The following NBL1 variants were observed in gnomAD, a reference collection of about 807,000 sequenced individuals.
NBL1 encodes the protein NBL1, DAN family BMP antagonist.
NBL1 carries 9 observed loss-of-function variants against 16.0 expected under a neutral mutation model. That is an observed-to-expected ratio of 0.56 (90% CI 0.34 to 0.98). The LOEUF is 0.98. NBL1 is among the 50% of genes least tolerant of loss of function. The pLI is 0.02. For missense variants in NBL1, 196 were observed against 243.1 expected, an observed-to-expected ratio of 0.81 and a Z score of 1.29; for synonymous variants, 86 against 100.7, an observed-to-expected ratio of 0.85 and a Z score of 0.87.
chr1:19,655,424 A>G lies in NBL1; in HGVS notation c.271A>G (p.Met91Val). 1 of 1,614,000 alleles carries G rather than the reference A, an allele frequency of 6.2e-7. No individual in the cohort carries two copies. The highest frequency in any genetic ancestry group is 1.7e-4 in the Middle Eastern group (1 of 6,060). The change falls in exon 3 of 4, where the codon ATG (methionine) becomes GTG (valine). Residue 91 changes from methionine to valine, a missense_variant. Met to Val is a conservative substitution (Grantham distance 21). Transcript: ENST00000375136. ...TGACTCCTGCATGCCAGCCCAGTCC[A>G]TGTGGGAGATTGTGAGTACTGCCTG... ...HCDSCMPAQS[M>V]WEIVTLECPG...
At chr1:19,643,250 A>C (rs2094959155), upstream of NBL1, 4 of 1,517,154 alleles carry the variant, frequency 2.6e-6, no homozygotes, top group Non-Finnish European at 3.6e-6. The surrounding 1 kb of genome is among the most constrained non-coding windows in gnomAD (Gnocchi z 4.7). Flanking sequence ...CTGGGTGTGG[A>C]GGGTGCGAGT....
At chr1:19,653,012 G>A (rs571982024) in intron 1 of NBL1, among the ~76,000 whole-genome samples, 2 of 150,392 alleles carry the variant, frequency 1.3e-5, no homozygotes, top group South Asian at 4.2e-4. Flanking sequence ...GTAAGGCCGG[G>A]CGCAGTGGCT....
chr1:19,656,394 C>T lies in NBL1; in HGVS notation c.283-472C>T, dbSNP rs928227196. Among the ~76,000 whole-genome samples the T allele has an allele frequency of 4.3e-4, 19 of 44,088 alleles. No homozygotes were observed. In the South Asian group the frequency reaches 5.3e-3, roughly 12 times the overall value. The allele number at this position is 44,088 out of a possible 152,430, so 28.9% of individuals were successfully genotyped here. ...GCAGTTTAGGGCATGTGGTAGTCGG[C>T]GGGGATAGGGGGGTGGGTGGGGGGA... On this transcript the variant is annotated intron_variant, in intron 3 of 3. Coordinates refer to ENST00000375136, the MANE Select transcript of NBL1 (RefSeq NM_005380.8).
chr1:19,644,589 C>T lies in NBL1; in HGVS notation c.-20+143C>T. ...ACCGGGTGGAGGCGCCGCCGCCGAG[C>T]TCAGGAGCCCTGGGGGACCTGGCGG... is the stretch of plus-strand genomic sequence containing the variant. On this transcript the variant is annotated intron_variant, in intron 1 of 3. Transcript: ENST00000375136. The surrounding 1 kb of genome is among the most constrained non-coding windows in gnomAD (Gnocchi z 4.6). The T allele has an allele frequency of 2.7e-6, 1 of 370,358 alleles. No individual in the cohort carries two copies. The highest frequency in any genetic ancestry group is 2.2e-5 in the African/African-American group (1 of 44,660). The allele number at this position is 370,358 out of a possible 1,614,324, so 22.9% of individuals were successfully genotyped here.
intron 1 of NBL1, among the ~76,000 whole-genome samples, chr1:19,651,270 G>A (rs1372007612): frequency 6.6e-6 from 1 of 152,148 alleles, no homozygotes; most frequent in Non-Finnish European, 1.5e-5. Flanking sequence ...CTGCTGGCCC[G>A]GGGAGGCCGA....
chr1:19,651,509 C>T (rs1019271169), intron 1 of NBL1, among the ~76,000 whole-genome samples: 29 of 152,320 alleles, frequency 1.9e-4, no homozygotes, highest in South Asian at 1.0e-3. Flanking sequence ...CAAAAAGTCA[C>T]CATTACCCCA....
At chr1:19,645,999 A>G in intron 1 of NBL1, 1 of 1,550,284 alleles carries the variant, frequency 6.5e-7, no homozygotes, top group Non-Finnish European at 8.7e-7. Flanking sequence ...TTTGTTTTGG[A>G]GACTGTTTTT....
At chr1:19,650,787 A>G (rs930883492) in intron 1 of NBL1, among the ~76,000 whole-genome samples, 9 of 152,050 alleles carry the variant, frequency 5.9e-5, no homozygotes, top group Non-Finnish European at 1.0e-4. Context: ...AAAAGCGTAA[A>G]CCAACAAAAA....
upstream of NBL1, chr1:19,644,248 T>C (rs1235340619): frequency 4.1e-6 from 4 of 975,524 alleles, no homozygotes; most frequent in Admixed American, 6.4e-5. This position sits in a 1 kb window ranked among gnomAD's most constrained non-coding sequence, Gnocchi z 4.6. Flanking sequence ...CCTCGCGCCC[T>C]GTTTGGAGGG....
chr1:19,651,838 T>G (rs1248189489), intron 1 of NBL1, among the ~76,000 whole-genome samples: 2 of 152,132 alleles, frequency 1.3e-5, no homozygotes, highest in Non-Finnish European at 2.9e-5. Context: ...GGACTACAGG[T>G]GCACATCACA....
chr1:19,649,693 CT>C (rs1374506070), intron 1 of NBL1, among the ~76,000 whole-genome samples: 1 of 151,634 alleles, frequency 6.6e-6, no homozygotes, highest in East Asian at 1.9e-4. Context: ...TTTACTACAC[CT>C]TTTCTTTCTT....
intron 1 of NBL1, among the ~76,000 whole-genome samples, chr1:19,653,702 G>T (rs2095040176): frequency 6.6e-6 from 1 of 152,226 alleles, no homozygotes. Flanking sequence ...GCCCTTTCTC[G>T]GCTGTGCCGT....
intron 1 of NBL1, among the ~76,000 whole-genome samples, chr1:19,650,353 C>T (rs981721247): frequency 6.6e-6 from 1 of 152,248 alleles, no homozygotes; most frequent in African/African-American, 2.4e-5. Flanking sequence ...CCATCTCTGA[C>T]TGTGCCAACT....
At chr1:19,656,761 G>T in intron 3 of NBL1, 105 bp from the exon 4 acceptor site, 3 of 1,444,102 alleles carry the variant, frequency 2.1e-6, no homozygotes, top group South Asian at 3.0e-5. Context: ...CATCACAGGT[G>T]GGCTCTGGGA....
At position 19,647,884 on chromosome 1, in the gene NBL1, C is replaced by T. The variant is rs200482943; in HGVS notation, c.-20+3438C>T. Among the ~76,000 whole-genome samples the T allele has an allele frequency of 4.4e-4, 57 of 129,412 alleles. No homozygotes were observed. The South Asian group carries it at 6.7e-3, about 15-fold the overall frequency. The allele number at this position is 129,412 out of a possible 152,430, so 84.9% of individuals were successfully genotyped here. A position where few individuals can be genotyped will look rare whatever the true frequency, so the allele number is the denominator to read the frequency against. On this transcript the variant is annotated intron_variant, in intron 1 of 3. Transcript: ENST00000375136. The stretch of plus-strand genomic sequence containing the variant: ...GTGTGTGCGTGTGTGTGTGTGTGTG[C>T]GTGTGCGCGCGTGTGTGTGCGTGCT...
chr1:19,646,388 G>A (rs2094980654), intron 1 of NBL1, among the ~76,000 whole-genome samples: 1 of 152,180 alleles, frequency 6.6e-6, no homozygotes, highest in Non-Finnish European at 1.5e-5. Context: ...CCTGACTCCA[G>A]GCACACAGAA....
rs942573437 is a variant in NBL1 at position 19,644,848 on chromosome 1, G to T, written c.-20+402G>T. On this transcript the variant is annotated intron_variant, in intron 1 of 3. Coordinates refer to ENST00000375136, the MANE Select transcript of NBL1 (RefSeq NM_005380.8). The surrounding 1 kb of genome is among the most constrained non-coding windows in gnomAD (Gnocchi z 4.6). ...CGCGCCGCGCCTCTCGGCTCTGGAC[G>T]TTTCCGCCTCCCGCGGCCCCCTCTG... Among the ~76,000 whole-genome samples the T allele has an allele frequency of 1.3e-5, 2 of 152,102 alleles. No homozygotes were observed. The highest frequency in any genetic ancestry group is 1.5e-5 in the Non-Finnish European group (1 of 67,990).
chr1:19,655,469 G>A, intron 3 of NBL1, 34 bp downstream of exon 3: 1 of 1,608,936 alleles, frequency 6.2e-7, no homozygotes, highest in Non-Finnish European at 8.5e-7. Context: ...CCCAGTCTCG[G>A]CCCGGAGCCT....
At chr1:19,643,905 A>G (rs1431787504), upstream of NBL1, 1 of 987,548 alleles carries the variant, frequency 1.0e-6, no homozygotes, top group African/African-American at 1.7e-5. The surrounding 1 kb of genome is among the most constrained non-coding windows in gnomAD (Gnocchi z 4.7). Flanking sequence ...AAAAGGACAC[A>G]TCCATCTTTG....
Sources: allele counts gnomAD v4.1 joint callset (sites outside exome capture counted in the v4.1 genomes callset), GRCh38; gene constraint gnomAD v4.1.1; non-coding constraint Gnocchi (gnomAD v3.1); transcripts MANE v1.5; gene names NCBI Gene and HGNC (gene_info 2026-07-23, HGNC 2026-07-21).